NRG1: variants seen among roughly 807,000 people sequenced by gnomAD.
The protein encoded by NRG1 is pro-neuregulin-1, membrane-bound isoform.
Under a neutral mutation model 63.8 loss-of-function variants are expected in NRG1, and 18 were observed. The observed-to-expected ratio is 0.28, with a 90% CI of 0.19 to 0.42. The LOEUF is 0.42. NRG1 is among the 10% of genes least tolerant of loss of function. The pLI, the probability that NRG1 is intolerant of heterozygous loss-of-function variation, is 1.00. For synonymous variants in NRG1, 302 were observed against 301.3 expected (o/e 1.00, Z -0.02); for missense variants, 762 against 814.7 (o/e 0.94, Z 0.79).
chr8:32,556,228 A>G (rs1479144646), intron 1 of NRG1, among the ~76,000 whole-genome samples: 1 of 152,244 alleles, frequency 6.6e-6, no homozygotes, highest in East Asian at 1.9e-4. Context: ...CAACTTTGAA[A>G]AAGAATTATG....
At chr8:32,700,336 T>A (rs766167084) in intron 5 of NRG1, among the ~76,000 whole-genome samples, 6 of 152,122 alleles carry the variant, frequency 3.9e-5, no homozygotes, top group Non-Finnish European at 7.4e-5. Context: ...AGTGAAATGA[T>A]AGGGCAAAAA....
At chr8:31,658,587 C>T (rs942716379) in intron 1 of NRG1, among the ~76,000 whole-genome samples, 2 of 152,266 alleles carry the variant, frequency 1.3e-5, no homozygotes, top group African/African-American at 4.8e-5. Flanking sequence ...CTCAGCCTCC[C>T]GGGTAGCTGG....
At chr8:31,854,253 TG>T (rs1345276049) in intron 1 of NRG1, among the ~76,000 whole-genome samples, 1 of 152,080 alleles carries the variant, frequency 6.6e-6, no homozygotes, top group African/African-American at 2.4e-5. Flanking sequence ...GGACTCTTTT[TG>T]GTTGGTAAGC....
intron 5 of NRG1, among the ~76,000 whole-genome samples, chr8:32,713,852 T>C (rs1040388747): frequency 2.0e-5 from 3 of 150,970 alleles, no homozygotes; most frequent in Non-Finnish European, 4.4e-5. Flanking sequence ...TGAGATGGAA[T>C]CTCGCTCTGT....
chr8:31,882,089 G>T (rs1170537725), intron 1 of NRG1, among the ~76,000 whole-genome samples: 1 of 152,036 alleles, frequency 6.6e-6, no homozygotes, highest in Non-Finnish European at 1.5e-5. Context: ...GAGAGAATAA[G>T]GAAATGACTG....
intron 1 of NRG1, among the ~76,000 whole-genome samples, chr8:32,081,500 G>A (rs537380922): frequency 3.3e-5 from 5 of 152,228 alleles, no homozygotes; most frequent in East Asian, 1.9e-4. Flanking sequence ...TTGAGTCCAC[G>A]TAGCCCCAGA....
chr8:32,230,695 G>C (rs1048098649), intron 1 of NRG1, among the ~76,000 whole-genome samples: 5 of 151,966 alleles, frequency 3.3e-5, no homozygotes, highest in African/African-American at 1.2e-4. Context: ...TAAATGAAGT[G>C]TCAAAGATGT....
intron 1 of NRG1, among the ~76,000 whole-genome samples, chr8:31,918,632 A>G (rs541917555): frequency 1.4e-3 from 209 of 152,236 alleles, no homozygotes; most frequent in South Asian, 3.5e-3. Context: ...TTTTGCATCA[A>G]TGTTCATCAA....
chr8:31,677,803 A>G (rs965803838), intron 1 of NRG1, among the ~76,000 whole-genome samples: 1 of 152,096 alleles, frequency 6.6e-6, no homozygotes, highest in Non-Finnish European at 1.5e-5. Flanking sequence ...GATTTATTTT[A>G]CTTTTATTTG....
At chr8:31,684,987 C>T (rs915933222) in intron 1 of NRG1, among the ~76,000 whole-genome samples, 1 of 152,016 alleles carries the variant, frequency 6.6e-6, no homozygotes, top group Non-Finnish European at 1.5e-5. Context: ...AATTTTGAGG[C>T]CTTAGTAACC....
At chr8:32,719,603 A>G (rs1307459417) in intron 5 of NRG1, among the ~76,000 whole-genome samples, 1 of 152,064 alleles carries the variant, frequency 6.6e-6, no homozygotes, top group Non-Finnish European at 1.5e-5. Context: ...GATTTCCTAC[A>G]TTTGTAACTG....
chr8:32,766,582 G>A (rs1447081226), exon 12 of NRG1: 5 of 152,132 alleles, frequency 3.3e-5, no homozygotes, highest in East Asian at 1.9e-4. Context: ...GGGCATTGGG[G>A]TACTCAGATA....
At chr8:32,446,212 G>A (rs1820224129) in intron 1 of NRG1, among the ~76,000 whole-genome samples, 1 of 152,138 alleles carries the variant, frequency 6.6e-6, no homozygotes, top group African/African-American at 2.4e-5. Context: ...CTGCAGCTTT[G>A]TGTCACAAGA....
chr8:32,115,515 C>T (rs770434098), intron 1 of NRG1, among the ~76,000 whole-genome samples: 37 of 151,984 alleles, frequency 2.4e-4, no homozygotes, highest in Non-Finnish European at 3.4e-4. Flanking sequence ...ATCATAAAGT[C>T]TTCCTCGTTG....
intron 1 of NRG1, among the ~76,000 whole-genome samples, chr8:32,085,035 G>A (rs920070606): frequency 2.6e-5 from 4 of 152,170 alleles, no homozygotes; most frequent in African/African-American, 7.2e-5. Context: ...ACACATATGC[G>A]CAAGCGTAAC....
chr8:31,886,033 T>TC (rs1830692496), intron 1 of NRG1, among the ~76,000 whole-genome samples: 1 of 152,110 alleles, frequency 6.6e-6, no homozygotes, highest in African/African-American at 2.4e-5. Flanking sequence ...TATGATTTTT[T>TC]CTCAGGATAT....
intron 1 of NRG1, among the ~76,000 whole-genome samples, chr8:31,724,988 G>A (rs965758003): frequency 6.6e-6 from 1 of 152,140 alleles, no homozygotes; most frequent in South Asian, 2.1e-4. Context: ...AAACAAATGA[G>A]GGCTGCTCTG....
chr8:32,107,235 T>C (rs912709811), intron 1 of NRG1, among the ~76,000 whole-genome samples: 5 of 137,478 alleles, frequency 3.6e-5, no homozygotes, highest in Non-Finnish European at 8.0e-5. Context: ...AAAAAAATTC[T>C]GAAATTTATC....
chr8:31,732,553 T>C (rs1311722469), intron 1 of NRG1, among the ~76,000 whole-genome samples: 2 of 152,120 alleles, frequency 1.3e-5, no homozygotes, highest in Admixed American at 6.6e-5. Context: ...ATGGATAGAT[T>C]GTGTAGCATT....
Sources: allele counts gnomAD v4.1 joint callset (sites outside exome capture counted in the v4.1 genomes callset), GRCh38; gene constraint gnomAD v4.1.1; transcripts MANE v1.5; gene names NCBI Gene and HGNC (gene_info 2026-07-23, HGNC 2026-07-21).